Variants in FAAH2 observed in about 807,000 individuals in gnomAD.
FAAH2 encodes fatty acid amide hydrolase 2, also known as fatty-acid amide hydrolase 2.
Under a neutral mutation model 36.9 loss-of-function variants are expected in FAAH2, and 60 were observed. That is an observed-to-expected ratio of 1.63 (90% CI 1.32 to 2.02). The LOEUF (loss-of-function observed/expected upper bound fraction) is 2.02, where lower values mean the gene tolerates loss of function less well. Ranked by LOEUF, FAAH2 falls within the 30% of genes most tolerant of loss-of-function variation. FAAH2 has a pLI of 0.00. For missense variants in FAAH2, 689 were observed against 397.5 expected, an observed-to-expected ratio of 1.73 and a Z score of -6.23; for synonymous variants, 214 against 143.8, an observed-to-expected ratio of 1.49 and a Z score of -3.49.
At chrX:57,420,260 G>T (rs1243325621) in intron 7 of FAAH2, among the ~76,000 whole-genome samples, 1 of 111,557 alleles carries the variant, frequency 9.0e-6, no homozygotes, top group Non-Finnish European at 1.9e-5. Context: ...TGTGAAGACA[G>T]TCATTGGTAG....
chrX:57,121,842 C>G, the FAAH2 span: 1 of 110,364 alleles, frequency 9.1e-6, no homozygotes, highest in Non-Finnish European at 1.9e-5. Flanking sequence ...TGCCGCCCCG[C>G]GCCCACCCCC....
chrX:57,300,459 C>G (rs936271894), intron 2 of FAAH2, among the ~76,000 whole-genome samples: 1 of 111,914 alleles, frequency 8.9e-6, no homozygotes, highest in Non-Finnish European at 1.9e-5. Flanking sequence ...AAAATTAATT[C>G]AAGATGGATT....
At chrX:57,242,801 G>A in the FAAH2 span, among the ~76,000 whole-genome samples, 2 of 112,176 alleles carry the variant, frequency 1.8e-5, no homozygotes, top group Non-Finnish European at 3.8e-5. Context: ...CACTACCAAG[G>A]CCCTGCATTT....
Position 57,458,743 on chromosome X carries a change from G to A in FAAH2, c.1423+10025G>A, listed in dbSNP as rs535332762. Among the ~76,000 whole-genome samples, 6 of 111,737 alleles carry A rather than the reference G, an allele frequency of 5.4e-5. No individual in the cohort carries two copies. The East Asian group carries it at 8.5e-4, about 16-fold the overall frequency. ...GGAAGTGCAAGGAGTGGGGGCCTCC[G>A]TTCCCTAGCCAAGGGAAGCCCTGAG... On this transcript the variant is annotated intron_variant, in intron 10 of 10. Transcript: ENST00000374900.
intron 10 of FAAH2, among the ~76,000 whole-genome samples, chrX:57,457,918 G>A (rs1318525919): frequency 9.0e-6 from 1 of 111,610 alleles, no homozygotes; most frequent in Non-Finnish European, 1.9e-5. Context: ...AAATATTAAT[G>A]CCATTTTTAC....
In FAAH2 at chrX:57,305,292, A is replaced by G. The variant is rs747808543; in HGVS notation, c.276-5301A>G. Reference sequence around the variant, plus strand: ...CAAAAGTCAAAATAATTAAAATCAAACTCATGAAATGAAAATTTCAGTGAA... The same window carrying G: ...CAAAAGTCAAAATAATTAAAATCAAGCTCATGAAATGAAAATTTCAGTGAA... On this transcript the variant is annotated intron_variant, in intron 2 of 10. Coordinates refer to ENST00000374900, the MANE Select transcript of FAAH2 (RefSeq NM_174912.4). 1.1e-4 allele frequency among the ~76,000 whole-genome samples: 12 copies of G among 111,238 alleles called. No homozygotes were observed. The East Asian group carries it at 3.1e-3, about 29-fold the overall frequency.
chrX:57,250,008 C>G, the FAAH2 span, among the ~76,000 whole-genome samples: 2 of 111,555 alleles, frequency 1.8e-5, no homozygotes, highest in African/African-American at 6.5e-5. Flanking sequence ...AATGTGTGGA[C>G]CATTGTAATT....
intron 5 of FAAH2, among the ~76,000 whole-genome samples, chrX:57,355,232 G>GT (rs1569286669): frequency 9.0e-6 from 1 of 110,501 alleles, no homozygotes; most frequent in East Asian, 2.8e-4. Flanking sequence ...AAAATTGTTT[G>GT]TTTCTAAAAT....
At chrX:57,129,430 G>T in the FAAH2 span, among the ~76,000 whole-genome samples, 1 of 111,631 alleles carries the variant, frequency 9.0e-6, no homozygotes, top group Non-Finnish European at 1.9e-5. Flanking sequence ...AACTGTATTT[G>T]CTAAGTGACT....
the FAAH2 span, among the ~76,000 whole-genome samples, chrX:57,234,042 A>G: frequency 2.7e-5 from 3 of 113,051 alleles, no homozygotes; most frequent in African/African-American, 9.6e-5. Context: ...ACTTTGGATA[A>G]TGAATAATGT....
At chrX:57,451,011 C>T (rs2056773673) in intron 10 of FAAH2, among the ~76,000 whole-genome samples, 1 of 110,999 alleles carries the variant, frequency 9.0e-6, no homozygotes, top group African/African-American at 3.3e-5. Context: ...TTACAGCAGC[C>T]CTATAAAAAG....
chrX:57,195,006 C>G, the FAAH2 span, among the ~76,000 whole-genome samples: 7 of 110,760 alleles, frequency 6.3e-5, no homozygotes, highest in Non-Finnish European at 1.1e-4. Context: ...TCTTTATCTA[C>G]TCATTGATTG....
the FAAH2 span, among the ~76,000 whole-genome samples, chrX:57,239,516 C>G: frequency 9.1e-6 from 1 of 109,784 alleles, no homozygotes; most frequent in Non-Finnish European, 1.9e-5. Context: ...AATCTGATTT[C>G]TATGTGTCTT....
chrX:57,444,979 T>G (rs750090634), intron 8 of FAAH2, among the ~76,000 whole-genome samples: 1 of 111,997 alleles, frequency 8.9e-6, no homozygotes, highest in East Asian at 2.8e-4. Context: ...CCTGAATTGG[T>G]CACTGGTGCC....
intron 7 of FAAH2, among the ~76,000 whole-genome samples, chrX:57,382,502 C>T (rs2054880456): frequency 9.0e-6 from 1 of 111,673 alleles, no homozygotes; most frequent in Non-Finnish European, 1.9e-5. Flanking sequence ...ATATCACCAC[C>T]AATCCCACAG....
At chrX:57,432,636 G>A (rs2056327711) in intron 8 of FAAH2, among the ~76,000 whole-genome samples, 1 of 111,305 alleles carries the variant, frequency 9.0e-6, no homozygotes, top group Admixed American at 9.6e-5. Context: ...GGTTTTTTCA[G>A]GCTTGCTGAA....
intron 10 of FAAH2, among the ~76,000 whole-genome samples, chrX:57,465,776 G>A (rs1033099121): frequency 2.7e-5 from 3 of 110,431 alleles, no homozygotes; most frequent in Non-Finnish European, 5.7e-5. Context: ...AATTACAAAA[G>A]ACATAATAAT....
chrX:57,197,360 C>T, the FAAH2 span, among the ~76,000 whole-genome samples: 2 of 111,390 alleles, frequency 1.8e-5, no homozygotes, highest in African/African-American at 6.5e-5. Context: ...TTTCTCAATT[C>T]TTTCTCGGGC....
At chrX:57,423,637 G>T (rs1307519982) in intron 7 of FAAH2, among the ~76,000 whole-genome samples, 7 of 111,173 alleles carry the variant, frequency 6.3e-5, no homozygotes, top group East Asian at 2.8e-4. Context: ...CACAGCAGAG[G>T]TTCCTTCACT....
Sources: gnomAD v4.1 joint callset for allele counts (sites outside exome capture counted in the v4.1 genomes callset) on GRCh38, gnomAD v4.1.1 for gene constraint, MANE v1.5 for transcripts, NCBI Gene and HGNC (gene_info 2026-07-23, HGNC 2026-07-21) for gene names.